The following C1QTNF3 variants were observed in gnomAD, a reference collection of about 807,000 sequenced individuals.
C1QTNF3 encodes complement C1q tumor necrosis factor-related protein 3.
Under a neutral mutation model 32.6 loss-of-function variants are expected in C1QTNF3, and 26 were observed. The observed-to-expected ratio is 0.80, with a 90% CI of 0.58 to 1.11. The LOEUF is 1.11. Among genes scored for constraint, C1QTNF3 ranks in the 50% least tolerant of loss-of-function variants. C1QTNF3 has a pLI of 0.00. For missense variants in C1QTNF3, 362 were observed against 398.2 expected (o/e 0.91, Z 0.77); for synonymous variants, 155 against 146.0 (o/e 1.06, Z -0.44).
the C1QTNF3 span, among the ~76,000 whole-genome samples, chr5:34,170,532 G>C: frequency 2.0e-5 from 3 of 152,130 alleles, no homozygotes; most frequent in East Asian, 5.8e-4. Flanking sequence ...GACAGTATCG[G>C]GGGTGTTTGC....
chr5:34,036,683 G>A (rs1246426829), intron 1 of C1QTNF3, among the ~76,000 whole-genome samples: 1 of 152,188 alleles, frequency 6.6e-6, no homozygotes, highest in Non-Finnish European at 1.5e-5. Flanking sequence ...TGAGCATGGT[G>A]GCTGATGCCT....
At chr5:34,219,725 G>GA in the C1QTNF3 span, among the ~76,000 whole-genome samples, 1 of 152,074 alleles carries the variant, frequency 6.6e-6, no homozygotes. Flanking sequence ...TAAAAGAAGG[G>GA]AAAAATGGAC....
At chr5:34,156,535 A>G in the C1QTNF3 span, among the ~76,000 whole-genome samples, 2 of 152,206 alleles carry the variant, frequency 1.3e-5, no homozygotes, top group African/African-American at 2.4e-5. Flanking sequence ...TTACTCTCCC[A>G]ATATGTAATT....
the C1QTNF3 span, among the ~76,000 whole-genome samples, chr5:34,138,524 T>C: frequency 6.6e-6 from 1 of 152,140 alleles, no homozygotes; most frequent in Non-Finnish European, 1.5e-5. Flanking sequence ...TAAATTTAAT[T>C]GACTTTCTGA....
At chr5:34,227,379 C>A in the C1QTNF3 span, among the ~76,000 whole-genome samples, 1 of 151,800 alleles carries the variant, frequency 6.6e-6, no homozygotes, top group African/African-American at 2.4e-5. Context: ...TCTGTGTGTG[C>A]CTACGTCTTG....
At chr5:34,100,448 G>A in the C1QTNF3 span, among the ~76,000 whole-genome samples, 1 of 151,492 alleles carries the variant, frequency 6.6e-6, no homozygotes, top group East Asian at 1.9e-4. Flanking sequence ...TCAACAAAAT[G>A]GGCTTATTAA....
the C1QTNF3 span, among the ~76,000 whole-genome samples, chr5:34,111,315 T>C: frequency 6.6e-6 from 1 of 152,130 alleles, no homozygotes; most frequent in African/African-American, 2.4e-5. Context: ...GGACTCTTTA[T>C]TCTCTTCAAA....
the C1QTNF3 span, among the ~76,000 whole-genome samples, chr5:34,213,016 C>T: frequency 6.6e-6 from 1 of 152,176 alleles, no homozygotes; most frequent in East Asian, 1.9e-4. Context: ...AATCAATACC[C>T]ACTCTTCCCC....
At chr5:34,221,628 G>A in the C1QTNF3 span, among the ~76,000 whole-genome samples, 1 of 152,076 alleles carries the variant, frequency 6.6e-6, no homozygotes, top group African/African-American at 2.4e-5. Flanking sequence ...TGAAGATGAT[G>A]AAGAGAAAAC....
chr5:34,153,824 T>G, the C1QTNF3 span, among the ~76,000 whole-genome samples: 1 of 100,070 alleles, frequency 1.0e-5, no homozygotes, highest in African/African-American at 4.0e-5. Context: ...ACCTGCACAA[T>G]GTGCACATGT....
At chr5:34,066,402 T>A in the C1QTNF3 span, among the ~76,000 whole-genome samples, 1 of 152,184 alleles carries the variant, frequency 6.6e-6, no homozygotes, top group Non-Finnish European at 1.5e-5. Context: ...AAATAATGAA[T>A]TCATAACAAA....
intron 1 of C1QTNF3, among the ~76,000 whole-genome samples, chr5:34,036,128 C>T (rs1369747820): frequency 6.6e-6 from 1 of 152,098 alleles, no homozygotes. Flanking sequence ...ACTGCCATAG[C>T]CCCAGATGTA....
chr5:34,221,137 T>C, the C1QTNF3 span, among the ~76,000 whole-genome samples: 1 of 152,118 alleles, frequency 6.6e-6, no homozygotes, highest in African/African-American at 2.4e-5. Flanking sequence ...TTGTTTGCTT[T>C]TGAATTTTTT....
the C1QTNF3 span, among the ~76,000 whole-genome samples, chr5:34,089,157 G>A: frequency 6.6e-6 from 1 of 152,104 alleles, no homozygotes; most frequent in African/African-American, 2.4e-5. Context: ...TCTGTGGGAT[G>A]GTATGAAGCT....
chr5:34,176,145 C>G, the C1QTNF3 span, among the ~76,000 whole-genome samples: 1 of 151,588 alleles, frequency 6.6e-6, no homozygotes, highest in Non-Finnish European at 1.5e-5. Flanking sequence ...AGTAAACTAT[C>G]GCCAAGAACA....
At chr5:34,034,184 G>C (rs1754682727) in intron 2 of C1QTNF3, among the ~76,000 whole-genome samples, 1 of 152,082 alleles carries the variant, frequency 6.6e-6, no homozygotes, top group African/African-American at 2.4e-5. Flanking sequence ...AGAAAGTTAT[G>C]AGTAAATAGA....
chr5:34,059,496 C>G, the C1QTNF3 span, among the ~76,000 whole-genome samples: 1 of 152,130 alleles, frequency 6.6e-6, no homozygotes, highest in Non-Finnish European at 1.5e-5. Flanking sequence ...GATTCAGTAT[C>G]TGACGAAGGC....
chr5:34,058,632 G>A, the C1QTNF3 span, among the ~76,000 whole-genome samples: 7 of 152,148 alleles, frequency 4.6e-5, no homozygotes, highest in African/African-American at 1.7e-4. Flanking sequence ...GAGCAAGGAG[G>A]AGGCAGAAAT....
chr5:34,133,944 T>C, the C1QTNF3 span, among the ~76,000 whole-genome samples: 1 of 152,220 alleles, frequency 6.6e-6, no homozygotes, highest in African/African-American at 2.4e-5. Flanking sequence ...TATTTTTCTT[T>C]AGCCCAGCTG....
Sources: allele counts gnomAD v4.1 joint callset (sites outside exome capture counted in the v4.1 genomes callset), GRCh38; gene constraint gnomAD v4.1.1; transcripts MANE v1.5; gene names NCBI Gene and HGNC (gene_info 2026-07-23, HGNC 2026-07-21).